The following NIPAL2 variants were observed in gnomAD, a reference collection of about 807,000 sequenced individuals.
NIPAL2 encodes the protein NIPA like domain containing 2.
In NIPAL2, 43 loss-of-function variants were observed where a neutral mutation model predicts 48.9. The observed-to-expected ratio is 0.88, with a 90% CI of 0.69 to 1.13. NIPAL2 has a LOEUF of 1.13. Ranked by LOEUF, NIPAL2 falls within the 50% of genes most tolerant of loss-of-function variation. NIPAL2 has a pLI of 0.00. For missense variants in NIPAL2, 446 were observed against 461.4 expected, an observed-to-expected ratio of 0.97 and a Z score of 0.31; for synonymous variants, 167 against 174.6, an observed-to-expected ratio of 0.96 and a Z score of 0.34.
At chr8:98,288,330 G>T (rs1816300860) in intron 1 of NIPAL2, among the ~76,000 whole-genome samples, 2 of 150,022 alleles carry the variant, frequency 1.3e-5, no homozygotes, top group South Asian at 4.3e-4. Context: ...TGAGAATGAT[G>T]ATTTCCAATT....
intron 1 of NIPAL2, among the ~76,000 whole-genome samples, chr8:98,280,757 T>TAGAGAGAGAGAGAGAGAG (rs1225269994): frequency 6.8e-5 from 2 of 29,316 alleles, no homozygotes; most frequent in African/African-American, 1.0e-4. Flanking sequence ...TATATATATA[T>TAGAGAGAGAGAGAGAGAG]ATATAGAGAG....
Position 98,280,761 on chromosome 8 carries a change from T to TATAGAGAGAGAG in NIPAL2, c.135+13241_135+13242insCTCTCTCTCTAT. ...CTATATATATATATATATATATATA[T>TATAGAGAGAGAG]AGAGAGAGAGAGAGAGAGAGAGAGA... is the stretch of plus-strand genomic sequence containing the variant. On this transcript the variant is annotated intron_variant, in intron 1 of 10. Transcript: ENST00000430223. Among the ~76,000 whole-genome samples the TATAGAGAGAGAG allele has an allele frequency of 3.5e-3, 105 of 30,014 alleles. 3 individuals are homozygous for TATAGAGAGAGAG. The highest frequency in any genetic ancestry group is 5.4e-3 in the African/African-American group (47 of 8,782). 19.7% of individuals were successfully genotyped at this position (30,014 alleles called of 152,430 possible).
At chr8:98,195,179 C>A (rs1290371726) in intron 9 of NIPAL2, among the ~76,000 whole-genome samples, 1 of 152,198 alleles carries the variant, frequency 6.6e-6, no homozygotes, top group Non-Finnish European at 1.5e-5. Flanking sequence ...TCTAAGAAAT[C>A]TAGTTTTCCT....
intron 1 of NIPAL2, among the ~76,000 whole-genome samples, chr8:98,261,503 C>T (rs1445205557): frequency 1.2e-4 from 17 of 142,774 alleles, no homozygotes; most frequent in Admixed American, 5.0e-4. Context: ...GGAGCCGATG[C>T]GATCAACTGG....
chr8:98,248,021 G>A (rs1013307980), intron 3 of NIPAL2, among the ~76,000 whole-genome samples: 2 of 152,192 alleles, frequency 1.3e-5, no homozygotes, highest in African/African-American at 2.4e-5. Context: ...ATGGAAAACC[G>A]TATATACATC....
chr8:98,260,459 C>A (rs1345237152), intron 1 of NIPAL2, among the ~76,000 whole-genome samples: 1 of 152,208 alleles, frequency 6.6e-6, no homozygotes, highest in Non-Finnish European at 1.5e-5. Flanking sequence ...GGCATTGCCT[C>A]ACTTGGGAAG....
intron 1 of NIPAL2, among the ~76,000 whole-genome samples, chr8:98,261,178 A>G (rs979625364): frequency 1.5e-4 from 22 of 151,422 alleles, no homozygotes; most frequent in Non-Finnish European, 4.4e-5. Context: ...AAGATGGGGA[A>G]AAAACAGAAC....
intron 5 of NIPAL2, among the ~76,000 whole-genome samples, chr8:98,214,881 C>T (rs1188062377): frequency 6.6e-6 from 1 of 152,150 alleles, no homozygotes; most frequent in Non-Finnish European, 1.5e-5. Flanking sequence ...GCTACAAAAG[C>T]TATTAAACTC....
intron 1 of NIPAL2, among the ~76,000 whole-genome samples, chr8:98,289,236 C>T (rs1288277601): frequency 6.6e-6 from 1 of 152,172 alleles, no homozygotes; most frequent in Admixed American, 6.5e-5. Flanking sequence ...TTTTAAGAAA[C>T]CAGGCCATGT....
chr8:98,258,779 CTT>C (rs34822136), intron 1 of NIPAL2, among the ~76,000 whole-genome samples: 12 of 150,632 alleles, frequency 8.0e-5, no homozygotes, highest in African/African-American at 1.5e-4. Flanking sequence ...TGCCACTTCC[CTT>C]TTTTTTTTGT....
chr8:98,244,203 A>C (rs1206055862), intron 3 of NIPAL2, among the ~76,000 whole-genome samples: 2 of 64,172 alleles, frequency 3.1e-5, no homozygotes, highest in Non-Finnish European at 9.0e-5. Context: ...CTCTGAAGAC[A>C]AAAAAAAAAA....
intron 6 of NIPAL2, among the ~76,000 whole-genome samples, chr8:98,209,371 A>T (rs1811193321): frequency 6.9e-6 from 1 of 144,634 alleles, no homozygotes; most frequent in Non-Finnish European, 1.5e-5. Context: ...CACTTTGGGA[A>T]GGTGAGGCAG....
rs76985313 is a variant in NIPAL2, at chr8:98,243,772, A to G, written c.377-7558T>C. Among the ~76,000 whole-genome samples, 1,431 of 150,718 alleles carry G rather than the reference A, an allele frequency of 9.5e-3. 18 individuals carry two copies. Among genetic ancestry groups the G allele is most frequent in the African/African-American group, 0.033 (1,346 of 40,628 alleles). The stretch of plus-strand genomic sequence containing the variant: ...TGTTAGCAATTTAGCTCAAGGGCAG[A>G]TTTTTACATGTCAGTTTAGAACCCT... On this transcript the variant is annotated intron_variant, in intron 3 of 10. Coordinates refer to ENST00000430223, the MANE Select transcript of NIPAL2 (RefSeq NM_001321635.2).
chr8:98,214,175 T>G (rs1176708752), intron 5 of NIPAL2, among the ~76,000 whole-genome samples: 3 of 152,038 alleles, frequency 2.0e-5, no homozygotes, highest in Non-Finnish European at 4.4e-5. Context: ...ATCTTTTTTT[T>G]TTTTTTGAGA....
Position 98,294,046 on chromosome 8 carries a change from G to T in NIPAL2, c.92C>A (p.Ala31Asp). 1 of 1,498,840 alleles carries T rather than the reference G, an allele frequency of 6.7e-7. No homozygotes were observed. 92.8% of individuals were successfully genotyped at this position (1,498,840 alleles called of 1,614,324 possible). A position where few individuals can be genotyped will look rare whatever the true frequency, so the allele number is the denominator to read the frequency against. The change falls in exon 1 of 11, where the codon GCC becomes GAC. Residue 31 changes from alanine to aspartate, a missense_variant. By Grantham distance (126) the Ala-to-Asp change is moderately radical (BLOSUM62 -2). Transcript: ENST00000430223. ...GTCGCCCGAGAGGGAGCCGTTGCCGGCGCCTGGTGCCCCGTACGTGAAATT... is the reference window on the plus strand; with the variant it reads ...GTCGCCCGAGAGGGAGCCGTTGCCGTCGCCTGGTGCCCCGTACGTGAAATT... ...SLNFTYGAPG[A>D]GNGSLSGDWY...
intron 5 of NIPAL2, among the ~76,000 whole-genome samples, chr8:98,214,774 C>T (rs1487195539): frequency 6.6e-6 from 1 of 152,156 alleles, no homozygotes; most frequent in Non-Finnish European, 1.5e-5. Flanking sequence ...AAGATGAACT[C>T]ATCCCTTTGT....
At position 98,195,962 on chromosome 8, in the gene NIPAL2, A is replaced by C. The variant is rs3779721; in HGVS notation, c.924T>G (p.Thr308=). The change falls in exon 9 of 11, where the codon ACT becomes ACG. Residue 308 remains threonine, a synonymous_variant. Coordinates refer to ENST00000430223, the MANE Select transcript of NIPAL2 (RefSeq NM_001321635.2). ...YQEFLGAPFL[T]VFIYLFGCFL... ...CTCACCCAAAAAGATATATAAATAC[A>C]GTGAGAAAAGGAGCACCAAGGAATT... 0.36 allele frequency: 568,119 copies of C among 1,573,614 alleles called. 105,561 individuals carry two copies. Among genetic ancestry groups the C allele is most frequent in the South Asian group, 0.5 (43,687 of 88,226 alleles).
At chr8:98,276,796 A>T in intron 1 of NIPAL2, among the ~76,000 whole-genome samples, 2 of 143,392 alleles carry the variant, frequency 1.4e-5, no homozygotes, top group African/African-American at 2.6e-5. Flanking sequence ...TTTTTTTGAG[A>T]CAGTCTCACT....
rs1812653138 is a variant in NIPAL2 at position 98,235,404 on chromosome 8, C to A, written c.436+751G>T. Among the ~76,000 whole-genome samples, 4 of 152,314 alleles carry A rather than the reference C, an allele frequency of 2.6e-5. No homozygotes were observed. The South Asian group carries it at 8.3e-4, about 32-fold the overall frequency. On this transcript the variant is annotated intron_variant, in intron 4 of 10. Transcript: ENST00000430223. ...CAGCCAGGAAGGCTACTGTCATTTTCCATTAATAACTGTATTTCCAAATAA... is the reference window on the plus strand; with the variant it reads ...CAGCCAGGAAGGCTACTGTCATTTTACATTAATAACTGTATTTCCAAATAA...
Sources: gnomAD v4.1 joint callset for allele counts (sites outside exome capture counted in the v4.1 genomes callset) on GRCh38, gnomAD v4.1.1 for gene constraint, MANE v1.5 for transcripts, NCBI Gene and HGNC (gene_info 2026-07-23, HGNC 2026-07-21) for gene names.